The following CLEC16A variants were observed in gnomAD, a reference collection of about 807,000 sequenced individuals.
CLEC16A encodes the protein protein CLEC16A.
A neutral mutation model predicts 109.5 loss-of-function variants in CLEC16A; 51 were observed. The observed-to-expected ratio is 0.47, with a 90% CI of 0.37 to 0.59. CLEC16A has a LOEUF of 0.59. CLEC16A is among the 20% of genes least tolerant of loss of function. The pLI is 0.00. For missense variants in CLEC16A, 1,339 were observed against 1,394.0 expected, an observed-to-expected ratio of 0.96 and a Z score of 0.63; for synonymous variants, 673 against 564.2, an observed-to-expected ratio of 1.19 and a Z score of -2.73.
chr16:11,120,748 G>C lies in CLEC16A; in HGVS notation c.2250G>C (p.Lys750Asn). The C allele has an allele frequency of 6.4e-7, 1 of 1,565,288 alleles. No homozygotes were observed. Residue 750 changes from lysine to asparagine, a missense_variant, in exon 20 of 24, where the codon AAG (lysine) becomes AAC (asparagine). Lys to Asn is a moderately conservative substitution (Grantham distance 94). Around this residue, in one of 3 missense-constraint regions of CLEC16A, gnomAD observed 1,061 missense variants for 1,006.8 expected, o/e 1.05. Transcript: ENST00000409790. ...DVSRLGWGVV[K>N]FAGLLQDMQV... ...CCAGGCTTGGCTGGGGAGTGGTCAA[G>C]TTTGCAGGCCTATTGCAGGTAAGAT...
chr16:11,007,303 C>G (rs2045085914), intron 11 of CLEC16A, among the ~76,000 whole-genome samples: 1 of 138,996 alleles, frequency 7.2e-6, no homozygotes. Flanking sequence ...GTTTAGAGAC[C>G]CATCTTGCCT....
At chr16:11,102,045 T>C (rs1340576961) in intron 19 of CLEC16A, among the ~76,000 whole-genome samples, 3 of 151,720 alleles carry the variant, frequency 2.0e-5, no homozygotes. Context: ...ACTCTTGGGC[T>C]TGAGCAATCT....
At chr16:11,122,579 G>A (rs760840081) in intron 20 of CLEC16A, among the ~76,000 whole-genome samples, 13 of 152,002 alleles carry the variant, frequency 8.6e-5, no homozygotes, top group Admixed American at 2.0e-4. Flanking sequence ...TCTTACTGCC[G>A]CGTTTTGATG....
intron 18 of CLEC16A, among the ~76,000 whole-genome samples, chr16:11,057,281 G>A (rs2048259047): frequency 6.6e-6 from 1 of 152,240 alleles, no homozygotes; most frequent in Non-Finnish European, 1.5e-5. Context: ...AAACTAGGCA[G>A]CTTGCACATG....
At chr16:11,073,717 T>C (rs1173448789) in intron 19 of CLEC16A, among the ~76,000 whole-genome samples, 1 of 152,202 alleles carries the variant, frequency 6.6e-6, no homozygotes, top group Non-Finnish European at 1.5e-5. Context: ...TCCTTCCTCC[T>C]GCTCCACGTG....
chr16:11,099,057 G>A (rs1259780848), intron 19 of CLEC16A, among the ~76,000 whole-genome samples: 6 of 152,250 alleles, frequency 3.9e-5, no homozygotes, highest in East Asian at 1.9e-4. Context: ...TGCAGAGAGC[G>A]TGGCGGCTAA....
Position 11,047,043 on chromosome 16 carries a change from A to G in CLEC16A, c.1816-249A>G, listed in dbSNP as rs1369185116. Among the ~76,000 whole-genome samples the G allele has an allele frequency of 2.6e-5, 4 of 152,254 alleles. No homozygotes were observed. The East Asian group carries it at 5.8e-4, about 22-fold the overall frequency. On this transcript the variant is annotated intron_variant, in intron 16 of 23. Transcript: ENST00000409790. ...TTTTTTTTTAATTAACTGCTTTGACAGAAGAATTCTAACTCCATATACTTA... is the reference window on the plus strand; with the variant it reads ...TTTTTTTTTAATTAACTGCTTTGACGGAAGAATTCTAACTCCATATACTTA...
chr16:11,040,154 A>C (rs534331916), intron 14 of CLEC16A: 3 of 391,148 alleles, frequency 7.7e-6, no homozygotes, highest in African/African-American at 4.1e-5. Context: ...GAGATTGTCA[A>C]TGTTTTCGCC....
At chr16:11,073,563 A>C (rs1416333015) in intron 19 of CLEC16A, among the ~76,000 whole-genome samples, 1 of 152,138 alleles carries the variant, frequency 6.6e-6, no homozygotes, top group Non-Finnish European at 1.5e-5. Flanking sequence ...AGATCCTCGC[A>C]GTGCAGCGGC....
chr16:10,989,016 G>A (rs1029248746), intron 10 of CLEC16A, among the ~76,000 whole-genome samples: 3 of 152,128 alleles, frequency 2.0e-5, no homozygotes, highest in African/African-American at 4.8e-5. Flanking sequence ...GCGCCCTTCA[G>A]TGGGGTGGCT....
intron 7 of CLEC16A, among the ~76,000 whole-genome samples, chr16:10,976,466 C>T (rs16957854): frequency 0.092 from 14,012 of 151,794 alleles, 640 homozygotes; most frequent in East Asian, 0.11. Context: ...TTATAAGTCC[C>T]AAAATGTTAA....
chr16:11,135,271 G>T (rs62026377), intron 22 of CLEC16A, among the ~76,000 whole-genome samples: 34,749 of 152,076 alleles, frequency 0.23, 4,127 homozygotes, highest in Middle Eastern at 0.26. Flanking sequence ...TCTTTTCAGG[G>T]CTCCAGAGCA....
intron 18 of CLEC16A, chr16:11,056,519 T>G (rs567651415): frequency 1.3e-5 from 2 of 152,328 alleles, no homozygotes; most frequent in East Asian, 3.9e-4. Context: ...AATCCAAGTT[T>G]AAGCCACTAG....
Position 11,178,444 on chromosome 16 carries a change from A to G in CLEC16A, c.2916A>G (p.Ala972=). 6.2e-7 allele frequency: 1 copy of G among 1,613,576 alleles called. No individual in the cohort carries two copies. Among genetic ancestry groups the G allele is most frequent in the South Asian group, 1.1e-5 (1 of 91,090 alleles). ...CCAGCAAGAACGTGGCCAGGAGCGC[A>G]GCCGTGGAGACAGCCAGCCTGTCCC... is the stretch of plus-strand genomic sequence containing the variant. ...SKPSKNVARS[A]AVETASLSPS... is the part of the protein sequence containing the mutation. Residue 972 remains alanine (A), a synonymous_variant, in exon 24 of 24, where the codon GCA becomes GCG. Coordinates refer to ENST00000409790, the MANE Select transcript of CLEC16A (RefSeq NM_015226.3). This position sits in a 1 kb window ranked among gnomAD's most constrained non-coding sequence, Gnocchi z 6.5.
At position 11,028,277 on chromosome 16, in the gene CLEC16A, G is replaced by A. The variant is rs79808094; in HGVS notation, c.1537+3356G>A. On this transcript the variant is annotated intron_variant, in intron 13 of 23. Transcript: ENST00000409790. ...TCTAGTTCCAAGGAAAAATTCCAGT[G>A]TTTTCTACATTGGGTGCTGCGTCGT... Among the ~76,000 whole-genome samples the A allele has an allele frequency of 3.4e-4, 52 of 152,338 alleles. 1 individual carries two copies. In the East Asian group the frequency reaches 0.01, roughly 29 times the overall value.
chr16:11,074,709 T>C (rs925707803), intron 19 of CLEC16A, among the ~76,000 whole-genome samples: 7 of 152,226 alleles, frequency 4.6e-5, no homozygotes, highest in Non-Finnish European at 1.0e-4. Context: ...GTGCCCTCTT[T>C]TGTTGTTGAT....
At chr16:10,965,678 C>T (rs191450012) in intron 3 of CLEC16A, among the ~76,000 whole-genome samples, 15 of 152,156 alleles carry the variant, frequency 9.9e-5, no homozygotes, top group Non-Finnish European at 1.5e-4. Flanking sequence ...GACAGAGTCC[C>T]GAGAGACTGA....
intron 17 of CLEC16A, 57 bp from the exon 18 acceptor site, chr16:11,051,456 C>T (rs1020121542): frequency 6.3e-7 from 1 of 1,579,236 alleles, no homozygotes; most frequent in Non-Finnish European, 8.7e-7. Flanking sequence ...TCCCCCGGCC[C>T]CTTCCTCCTT....
chr16:11,098,720 CTG>C (rs1458077971), intron 19 of CLEC16A, among the ~76,000 whole-genome samples: 1 of 152,236 alleles, frequency 6.6e-6, no homozygotes, highest in Non-Finnish European at 1.5e-5. Context: ...TCCCAAGACG[CTG>C]TGTGTGAGCT....
Sources: allele counts gnomAD v4.1 joint callset (sites outside exome capture counted in the v4.1 genomes callset), GRCh38; gene constraint gnomAD v4.1.1; regional missense constraint gnomAD v4.1.1; non-coding constraint Gnocchi (gnomAD v3.1); transcripts MANE v1.5; gene names NCBI Gene and HGNC (gene_info 2026-07-23, HGNC 2026-07-21).